Variants in APOL2 observed in about 807,000 individuals in gnomAD.
APOL2 encodes apolipoprotein L, 2.
Under a neutral mutation model 7.1 loss-of-function variants are expected in APOL2, and 8 were observed. The ratio of observed to expected loss-of-function variants is 1.12; its 90% CI spans 0.66 to 2.03. The LOEUF (loss-of-function observed/expected upper bound fraction) is 2.03. Among genes scored for constraint, APOL2 ranks in the 30% most tolerant of loss-of-function variants. The probability of loss-of-function intolerance (pLI) is 0.00; values close to 1 mark genes in which losing one functional copy is unlikely to be tolerated. For synonymous variants in APOL2, 177 were observed against 159.9 expected, an observed-to-expected ratio of 1.11 and a Z score of -0.81; for missense variants, 471 against 415.1, an observed-to-expected ratio of 1.13 and a Z score of -1.17.
chr22:36,228,943 T>C (rs1479421122), intron 4 of APOL2, among the ~76,000 whole-genome samples: 1 of 152,172 alleles, frequency 6.6e-6, no homozygotes, highest in Non-Finnish European at 1.5e-5. Flanking sequence ...CCCCAGCAGA[T>C]ACTCTGGACA....
At position 36,235,742 on chromosome 22, in the gene APOL2, AGGGTGGGT is replaced by A. The variant is rs58628004; in HGVS notation, c.-133-2295_-133-2288del. On this transcript the variant is annotated intron_variant, in intron 1 of 4. Transcript: ENST00000358502. ...GAGAATGAGCCACCGGGAGGAAGAA[AGGGTGGGT>A]GGGTGGGTGTGTGTGTGTGTGTGTG... Among the ~76,000 whole-genome samples the A allele has an allele frequency of 3.0e-3, 339 of 111,560 alleles. 2 individuals are homozygous for A. Among genetic ancestry groups the A allele is most frequent in the African/African-American group, 8.0e-3 (267 of 33,170 alleles). The allele number at this position is 111,560 out of a possible 152,430, so 73.2% of individuals were successfully genotyped here. A position where few individuals can be genotyped will look rare whatever the true frequency, so the allele number is the denominator to read the frequency against.
Position 36,231,381 on chromosome 22 carries a change from A to T in APOL2, c.96T>A (p.Asp32Glu), listed in dbSNP as rs760510890. ...CAGCCACGAATCCATTCCAGGCTTCATCATCAGTCAGCAGTTGTAGCAGAT... is the reference window on the plus strand; with the variant it reads ...CAGCCACGAATCCATTCCAGGCTTCTTCATCAGTCAGCAGTTGTAGCAGAT... The part of the protein sequence containing the change: ...RENLLQLLTD[D>E]EAWNGFVAAA... Residue 32 changes from aspartate (D) to glutamate (E), a missense_variant, in exon 4 of 5, where the codon GAT becomes GAA. Coordinates refer to ENST00000358502, the MANE Select transcript of APOL2 (RefSeq NM_030882.4). 2 of 1,614,194 alleles carry T rather than the reference A, an allele frequency of 1.2e-6. No homozygotes were observed. Among genetic ancestry groups the T allele is most frequent in the South Asian group, 2.2e-5 (2 of 91,090 alleles).
At chr22:36,238,138 T>A (rs1001778799) in intron 1 of APOL2, among the ~76,000 whole-genome samples, 1 of 152,100 alleles carries the variant, frequency 6.6e-6, no homozygotes, top group African/African-American at 2.4e-5. Context: ...GGGGACACTG[T>A]TGTGTTCCCA....
At chr22:36,235,571 T>TA (rs1009070276) in intron 1 of APOL2, among the ~76,000 whole-genome samples, 1 of 151,706 alleles carries the variant, frequency 6.6e-6, no homozygotes, top group Non-Finnish European at 1.5e-5. Flanking sequence ...GATGATCAAA[T>TA]AAACAAGTCT....
chr22:36,234,013 C>G (rs957334528), intron 1 of APOL2, among the ~76,000 whole-genome samples: 4 of 152,184 alleles, frequency 2.6e-5, no homozygotes, highest in African/African-American at 9.7e-5. Context: ...GCCGGCCCAG[C>G]CCCTGCTGTG....
chr22:36,228,028 C>A lies in APOL2; in HGVS notation c.390G>T (p.Leu130=). The part of the protein sequence containing the change: ...SNSVGTTSGI[L]TLLGLGLAPF... ...GTGCCAGACCCAGGCCGAGGAGGGTCAGGATGCCAGAGGTAGTGCCAACAG... is the reference window on the plus strand; with the variant it reads ...GTGCCAGACCCAGGCCGAGGAGGGTAAGGATGCCAGAGGTAGTGCCAACAG... Residue 130 remains leucine, a synonymous_variant, in exon 5 of 5, where the codon CTG becomes CTT. Transcript: ENST00000358502. 1 of 1,614,232 alleles carries A rather than the reference C, an allele frequency of 6.2e-7. No homozygotes were observed. Among genetic ancestry groups the A allele is most frequent in the Non-Finnish European group, 8.5e-7 (1 of 1,180,028 alleles).
chr22:36,229,349 C>CA (rs1174605451), intron 4 of APOL2, among the ~76,000 whole-genome samples: 1 of 151,894 alleles, frequency 6.6e-6, no homozygotes, highest in Admixed American at 6.6e-5. Flanking sequence ...GAGCTGGGCT[C>CA]AGTCTCCCTC....
chr22:36,235,506 A>G (rs1359302615), intron 1 of APOL2, among the ~76,000 whole-genome samples: 1 of 150,654 alleles, frequency 6.6e-6, no homozygotes. Context: ...TATATAGAAA[A>G]GAAGAAAAAT....
chr22:36,232,347 G>T (rs925650059), intron 3 of APOL2, among the ~76,000 whole-genome samples: 2 of 152,236 alleles, frequency 1.3e-5, no homozygotes, highest in African/African-American at 2.4e-5. Context: ...GTCATCCCTG[G>T]TCAGCAGGTG....
chr22:36,238,139 T>G (rs777266952), intron 1 of APOL2, among the ~76,000 whole-genome samples: 3 of 152,134 alleles, frequency 2.0e-5, no homozygotes, highest in Non-Finnish European at 4.4e-5. Flanking sequence ...GGGACACTGT[T>G]GTGTTCCCAG....
At chr22:36,237,442 T>C in intron 1 of APOL2, 9 of 1,098,640 alleles carry the variant, frequency 8.2e-6, no homozygotes, top group South Asian at 3.7e-5. Flanking sequence ...ACTGTCTTGC[T>C]CTGTCACCCA....
In APOL2 at chr22:36,236,451, A is replaced by G. The variant is rs2015406001; in HGVS notation, c.-134+2990T>C. On this transcript the variant is annotated intron_variant, in intron 1 of 4. Coordinates refer to ENST00000358502, the MANE Select transcript of APOL2 (RefSeq NM_030882.4). ...GACATAAAACTGGTGATACAATATT[A>G]GGAAAAGGTGGAGAGGAGAGATAGA... 4.6e-6 allele frequency: 3 copies of G among 653,358 alleles called. No homozygotes were observed. In the African/African-American group the frequency reaches 5.9e-5, roughly 13 times the overall value. 40.5% of individuals were successfully genotyped at this position (653,358 alleles called of 1,614,324 possible).
Position 36,230,918 on chromosome 22 carries a change from A to G in APOL2, c.137+422T>C, listed in dbSNP as rs2015200267. Among the ~76,000 whole-genome samples the G allele has an allele frequency of 2.0e-5, 3 of 152,172 alleles. 1 individual carries two copies. In the South Asian group the frequency reaches 6.2e-4, roughly 32 times the overall value. On this transcript the variant is annotated intron_variant, in intron 4 of 4. Coordinates refer to ENST00000358502, the MANE Select transcript of APOL2 (RefSeq NM_030882.4). ...GTCCTGCTGGGCTCCCATCTTCAAG[A>G]AGAAGATCCTTAACCCTGGTCTCTT... is the stretch of plus-strand genomic sequence containing the variant.
chr22:36,239,574 A>C (rs1384921598), upstream of APOL2: 3 of 1,492,760 alleles, frequency 2.0e-6, no homozygotes, highest in Non-Finnish European at 2.7e-6. Context: ...GGAATTCGAA[A>C]GGGAAAGTGA....
In APOL2 at chr22:36,228,158, C is replaced by A; in HGVS notation, c.260G>T (p.Arg87Leu). The A allele has an allele frequency of 1.2e-6, 2 of 1,614,190 alleles. No homozygotes were observed. Among genetic ancestry groups the A allele is most frequent in the Non-Finnish European group, 8.5e-7 (1 of 1,180,038 alleles). The change falls in exon 5 of 5, where the codon CGG becomes CTG. Residue 87 changes from arginine to leucine, a missense_variant. Physicochemically the swap from Arg to Leu is moderately radical, Grantham distance 102. Coordinates refer to ENST00000358502, the MANE Select transcript of APOL2 (RefSeq NM_030882.4). ...HRQWFLKEFP[R>L]LKRELEDHIR... ...GTGATCCTCAAGCTCCCTTTTCAAC[C>A]GAGGAAACTCTTTCAAAAACCACTG...
At position 36,236,462 on chromosome 22, in the gene APOL2, G is replaced by C. The variant is rs927976853; in HGVS notation, c.-134+2979C>G. The stretch of plus-strand genomic sequence containing the variant: ...GGTGATACAATATTAGGAAAAGGTG[G>C]AGAGGAGAGATAGAGGGAGTGTACA... On this transcript the variant is annotated intron_variant, in intron 1 of 4. Transcript: ENST00000358502. 7 of 717,188 alleles carry C rather than the reference G, an allele frequency of 9.8e-6. No individual in the cohort carries two copies. In the African/African-American group the frequency reaches 1.4e-4, roughly 14 times the overall value. The allele number at this position is 717,188 out of a possible 1,614,324, so 44.4% of individuals were successfully genotyped here.
chr22:36,227,102 T>C lies in APOL2; in HGVS notation c.*302A>G, dbSNP rs132759. On this transcript the variant is annotated 3_prime_UTR_variant, in exon 5 of 5. Coordinates refer to ENST00000358502, the MANE Select transcript of APOL2 (RefSeq NM_030882.4). ...AGGCCGAGGTGGGCAGATCACGAGGTCAGGAGATGGAGACCATCGTGGCTA... is the reference window on the plus strand; with the variant it reads ...AGGCCGAGGTGGGCAGATCACGAGGCCAGGAGATGGAGACCATCGTGGCTA... The C allele has an allele frequency of 0.37, 87,555 of 238,730 alleles. 18,519 individuals carry two copies. The highest frequency in any genetic ancestry group is 0.92 in the East Asian group (9,843 of 10,662). The allele number at this position is 238,730 out of a possible 1,614,324, so 14.8% of individuals were successfully genotyped here. A position where few individuals can be genotyped will look rare whatever the true frequency, so the allele number is the denominator to read the frequency against.
intron 1 of APOL2, chr22:36,237,512 G>C (rs1039065437): frequency 2.3e-6 from 1 of 444,344 alleles, no homozygotes; most frequent in African/African-American, 2.1e-5. Flanking sequence ...GGGCTCAAGT[G>C]ATCCTTCTGC....
At position 36,233,177 on chromosome 22, in the gene APOL2, G is replaced by T; in HGVS notation, c.-15C>A. 6.2e-7 allele frequency: 1 copy of T among 1,614,094 alleles called. No individual in the cohort carries two copies. The highest frequency in any genetic ancestry group is 8.5e-7 in the Non-Finnish European group (1 of 1,180,004). Reference sequence around the variant, plus strand: ...CCTGGGTTCATGGTGCCAGCGGCTGGGTTACCGAGGGGCTTTCCTTGGAGC... The same window carrying T: ...CCTGGGTTCATGGTGCCAGCGGCTGTGTTACCGAGGGGCTTTCCTTGGAGC... On this transcript the variant is annotated 5_prime_UTR_variant, in exon 3 of 5. Coordinates refer to ENST00000358502, the MANE Select transcript of APOL2 (RefSeq NM_030882.4).
Sources: gnomAD v4.1 joint callset for allele counts (sites outside exome capture counted in the v4.1 genomes callset) on GRCh38, gnomAD v4.1.1 for gene constraint, MANE v1.5 for transcripts, NCBI Gene and HGNC (gene_info 2026-07-23, HGNC 2026-07-21) for gene names.